ACOT9: variants seen among roughly 807,000 people sequenced by gnomAD.
The protein encoded by ACOT9 is acyl-CoA thioesterase 9.
ACOT9 carries 34 observed loss-of-function variants against 39.7 expected under a neutral mutation model. The observed-to-expected ratio is 0.86, with a 90% CI of 0.65 to 1.14. The LOEUF is 1.14. ACOT9 is among the 50% of genes most tolerant of loss of function. The probability of loss-of-function intolerance (pLI) is 0.00; values close to 1 mark genes in which losing one functional copy is unlikely to be tolerated. For synonymous variants in ACOT9, 110 were observed against 120.5 expected (o/e 0.91, Z 0.57); for missense variants, 313 against 344.1 (o/e 0.91, Z 0.71).
intron 6 of ACOT9, 38 bp from the exon 7 acceptor site, chrX:23,722,791 C>T: frequency 1.1e-6 from 1 of 943,224 alleles, no homozygotes; most frequent in Admixed American, 2.6e-5. Flanking sequence ...TTTAAAAAGG[C>T]AGAATTATTT....
chrX:23,713,572 A>AAG (rs1178210791), intron 8 of ACOT9, among the ~76,000 whole-genome samples: 12 of 106,996 alleles, frequency 1.1e-4, no homozygotes, highest in Non-Finnish European at 1.4e-4. Context: ...AAAAAAAAAA[A>AAG]AGAGAGAGAG....
intron 6 of ACOT9, among the ~76,000 whole-genome samples, chrX:23,728,630 G>A (rs1408567246): frequency 9.0e-6 from 1 of 111,358 alleles, no homozygotes; most frequent in African/African-American, 3.3e-5. Context: ...ATATATGTAC[G>A]TATATGCACA....
chrX:23,735,240 C>CAAAAAAA (rs35950361), intron 2 of ACOT9, among the ~76,000 whole-genome samples: 1 of 29,165 alleles, frequency 3.4e-5, no homozygotes. Flanking sequence ...GACTCCATCC[C>CAAAAAAA]AAAAAAAAAA....
intron 3 of ACOT9, among the ~76,000 whole-genome samples, chrX:23,733,554 A>G (rs915577716): frequency 1.1e-4 from 12 of 111,981 alleles, no homozygotes; most frequent in African/African-American, 3.6e-4. Context: ...TATGATGGAG[A>G]TATGAACAGG....
chrX:23,731,474 CAAA>C (rs59649997), intron 4 of ACOT9, among the ~76,000 whole-genome samples: 965 of 68,706 alleles, frequency 0.014, 17 homozygotes, highest in African/African-American at 0.04. Flanking sequence ...AAGACTGTCT[CAAA>C]AAAAAAAAAA....
Position 23,707,893 on chromosome X carries a change from G to A in ACOT9, c.714C>T (p.Leu238=). 2.5e-6 allele frequency: 3 copies of A among 1,200,523 alleles called. No homozygotes were observed. Among genetic ancestry groups the A allele is most frequent in the Non-Finnish European group, 2.2e-6 (2 of 889,548 alleles). The part of the protein sequence containing the change: ...LIPESPEEEE[L]FRQGELNKGR... ...TTAATGTACATTCCCCTTGTCTAAAGAGCTCCTCTTCCTCTGGGCTTTCAG... is the reference window on the plus strand; with the variant it reads ...TTAATGTACATTCCCCTTGTCTAAAAAGCTCCTCTTCCTCTGGGCTTTCAG... Residue 238 remains leucine, a synonymous_variant, in exon 10 of 16, where the codon CTC becomes CTT. Transcript: ENST00000379303.
rs1197170296 is a variant in ACOT9, at chrX:23,730,995, A to G, written c.192-9T>C. Reference sequence around the variant, plus strand: ...TTGCCTTCACATGGTCTCTGAGAAGAAAGGATGCAGGATTCATAAAACAAG... The same window carrying G: ...TTGCCTTCACATGGTCTCTGAGAAGGAAGGATGCAGGATTCATAAAACAAG... On this transcript the variant is annotated splice_polypyrimidine_tract_variant and intron_variant, in intron 4 of 15. Transcript: ENST00000379303. 8.3e-7 allele frequency: 1 copy of G among 1,203,505 alleles called. No individual in the cohort carries two copies. The highest frequency in any genetic ancestry group is 1.1e-6 in the Non-Finnish European group (1 of 890,087).
intron 8 of ACOT9, 35 bp downstream of exon 8, chrX:23,721,846 C>T: frequency 2.6e-6 from 3 of 1,136,021 alleles, no homozygotes; most frequent in African/African-American, 3.6e-5. Context: ...GCTGGTTTTA[C>T]TTAAACAGTG....
At chrX:23,741,872 A>G (rs1275958085) in intron 1 of ACOT9, among the ~76,000 whole-genome samples, 2 of 110,459 alleles carry the variant, frequency 1.8e-5, no homozygotes, top group Non-Finnish European at 3.8e-5. Context: ...ACGGGGTTTC[A>G]CCATGTTGGC....
At chrX:23,719,556 G>A (rs190232666) in intron 8 of ACOT9, among the ~76,000 whole-genome samples, 109 of 102,915 alleles carry the variant, frequency 1.1e-3, no homozygotes, top group Admixed American at 1.9e-3. Flanking sequence ...ATTTTTCCAC[G>A]GAATGGGGTG....
intron 6 of ACOT9, among the ~76,000 whole-genome samples, chrX:23,726,837 TTG>T (rs1197156423): frequency 9.0e-6 from 1 of 111,214 alleles, no homozygotes; most frequent in Non-Finnish European, 1.9e-5. Context: ...CGGCTAATTT[TTG>T]TGTTTTTGAG....
In ACOT9 at chrX:23,730,871, A is replaced by G. The variant is rs1929713687; in HGVS notation, c.307T>C (p.Leu103=). 8.3e-7 allele frequency: 1 copy of G among 1,209,819 alleles called. No individual in the cohort carries two copies. The highest frequency in any genetic ancestry group is 2.2e-5 in the Admixed American group (1 of 45,709). ...KDSYIEVLLP[L]GSEPELREKY... is the part of the protein sequence containing the mutation. ...TCTCGTAATTCAGGCTCACTGCCCA[A>G]AGGCAAGAGAACTTCAATATAACTG... is the stretch of plus-strand genomic sequence containing the variant. Residue 103 remains leucine, a synonymous_variant, in exon 5 of 16, where the codon TTG becomes CTG. Transcript: ENST00000379303.
In ACOT9 at chrX:23,718,855, G is replaced by A. The variant is rs186932077; in HGVS notation, c.588+3026C>T. The stretch of plus-strand genomic sequence containing the variant: ...CAGGAGACGGAGCTTGCAGTGAGCC[G>A]AGATCGCACCACTGCACTCCAGCCT... On this transcript the variant is annotated intron_variant, in intron 8 of 15. Coordinates refer to ENST00000379303, the MANE Select transcript of ACOT9 (RefSeq NM_001037171.2). Among the ~76,000 whole-genome samples, 197 of 90,933 alleles carry A rather than the reference G, an allele frequency of 2.2e-3. 3 individuals are homozygous for A. The East Asian group carries it at 0.064, about 29-fold the overall frequency. The allele number at this position is 90,933 out of a possible 115,157, so 79.0% of individuals were successfully genotyped here. A position where few individuals can be genotyped will look rare whatever the true frequency, so the allele number is the denominator to read the frequency against.
intron 9 of ACOT9, among the ~76,000 whole-genome samples, chrX:23,708,464 A>G (rs1489378342): frequency 1.9e-5 from 2 of 105,674 alleles, no homozygotes; most frequent in East Asian, 6.4e-4. Context: ...CAGGAGGTGG[A>G]GGTTGCGGTG....
intron 4 of ACOT9, among the ~76,000 whole-genome samples, chrX:23,731,333 C>T (rs745717100): frequency 1.8e-4 from 20 of 110,336 alleles, no homozygotes; most frequent in Non-Finnish European, 3.6e-4. Context: ...AAAAATTAGC[C>T]AGGTGTGGTG....
In ACOT9 at chrX:23,730,802, T is replaced by C; in HGVS notation, c.362+14A>G. On this transcript the variant is annotated intron_variant, in intron 5 of 15. Transcript: ENST00000379303. ...GGAAATAAAAACAAATACATAAAAA[T>C]AGCACTGTGTTACCTTACGGTGTTT... is the stretch of plus-strand genomic sequence containing the variant. 8.5e-7 allele frequency: 1 copy of C among 1,172,725 alleles called. No individual in the cohort carries two copies. The highest frequency in any genetic ancestry group is 1.1e-6 in the Non-Finnish European group (1 of 875,516).
intron 8 of ACOT9, 88 bp downstream of exon 8, chrX:23,721,793 C>A (rs1000569401): frequency 2.8e-5 from 21 of 744,891 alleles, no homozygotes; most frequent in Non-Finnish European, 3.8e-5. Context: ...ACATACCTGT[C>A]TACAGATACA....
intron 1 of ACOT9, 35 bp downstream of exon 1, chrX:23,743,090 C>A (rs1397989947): frequency 8.8e-7 from 1 of 1,140,372 alleles, no homozygotes; most frequent in Admixed American, 2.7e-5. Flanking sequence ...CCCAGGCTAC[C>A]GCCCTGCCAG....
At chrX:23,733,940 T>C (rs1416560379) in intron 3 of ACOT9, among the ~76,000 whole-genome samples, 1 of 111,716 alleles carries the variant, frequency 9.0e-6, no homozygotes, top group Non-Finnish European at 1.9e-5. Flanking sequence ...TTTGTATTTT[T>C]AGTAGAGATG....
Sources: allele counts gnomAD v4.1 joint callset (sites outside exome capture counted in the v4.1 genomes callset), GRCh38; gene constraint gnomAD v4.1.1; transcripts MANE v1.5; gene names NCBI Gene and HGNC (gene_info 2026-07-23, HGNC 2026-07-21).